The following SLC12A7 variants were observed in gnomAD, a reference collection of about 807,000 sequenced individuals.
The protein encoded by SLC12A7 is K-Cl cotransporter 4.
SLC12A7 carries 100 observed loss-of-function variants against 120.6 expected under a neutral mutation model. That is an observed-to-expected ratio of 0.83 (90% CI 0.71 to 0.98). The LOEUF is 0.98. Among genes scored for constraint, SLC12A7 ranks in the 50% least tolerant of loss-of-function variants. The pLI is 0.00. For missense variants in SLC12A7, 1,373 were observed against 1,548.1 expected (o/e 0.89, Z 1.90); for synonymous variants, 760 against 678.0 (o/e 1.12, Z -1.88).
intron 22 of SLC12A7, chr5:1,056,543 G>T: frequency 1.0e-6 from 1 of 978,174 alleles, no homozygotes; most frequent in Non-Finnish European, 1.2e-6. Flanking sequence ...CAGGGCAACC[G>T]GGCCCGGAAG....
intron 1 of SLC12A7, among the ~76,000 whole-genome samples, chr5:1,099,525 A>C (rs1250443379): frequency 1.3e-5 from 2 of 150,882 alleles, no homozygotes; most frequent in Non-Finnish European, 2.9e-5. Context: ...TCAGCGGGTC[A>C]GAGGATTGAT....
upstream of SLC12A7, among the ~76,000 whole-genome samples, chr5:1,115,121 G>C (rs1044665229): frequency 2.6e-5 from 4 of 152,222 alleles, no homozygotes; most frequent in African/African-American, 9.6e-5. Flanking sequence ...GCTTTGCCCA[G>C]GGGGCCTCTT....
At chr5:1,123,729 A>G in the SLC12A7 span, among the ~76,000 whole-genome samples, 2 of 152,222 alleles carry the variant, frequency 1.3e-5, no homozygotes, top group African/African-American at 4.8e-5. Flanking sequence ...CGGGGCCTCC[A>G]TCAAACAGTG....
intron 7 of SLC12A7, among the ~76,000 whole-genome samples, chr5:1,084,411 C>T (rs1023404483): frequency 6.6e-6 from 1 of 152,224 alleles, no homozygotes; most frequent in African/African-American, 2.4e-5. Flanking sequence ...AGGCCCTCGG[C>T]GGCGTCCTGG....
intron 18 of SLC12A7, among the ~76,000 whole-genome samples, chr5:1,064,923 G>A (rs1736831317): frequency 6.9e-6 from 1 of 145,096 alleles, no homozygotes; most frequent in Admixed American, 6.8e-5. Context: ...GCGAGGAGAT[G>A]GTGAGGGGAC....
the SLC12A7 span, among the ~76,000 whole-genome samples, chr5:1,137,011 ACAG>A: frequency 5.3e-5 from 8 of 150,864 alleles, no homozygotes; most frequent in South Asian, 2.1e-4. Context: ...ACACACACCA[ACAG>A]CAGGACACAC....
the SLC12A7 span, among the ~76,000 whole-genome samples, chr5:1,125,862 T>C: frequency 3.4e-5 from 5 of 148,962 alleles, no homozygotes; most frequent in Non-Finnish European, 4.4e-5. Flanking sequence ...GAGGCGGAAG[T>C]TGCAGGGAGC....
the SLC12A7 span, among the ~76,000 whole-genome samples, chr5:1,117,406 G>A: frequency 6.6e-6 from 1 of 152,152 alleles, no homozygotes; most frequent in Non-Finnish European, 1.5e-5. The surrounding 1 kb of genome is among the most constrained non-coding windows in gnomAD (Gnocchi z 4.5). Flanking sequence ...CTAACTTTGG[G>A]AGGAACTTAG....
chr5:1,087,135 T>C (rs1177079429), intron 5 of SLC12A7, 102 bp from the exon 6 acceptor site: 1 of 1,425,802 alleles, frequency 7.0e-7, no homozygotes, highest in African/African-American at 1.5e-5. Context: ...GGCCTGTCTC[T>C]GCGAAGGCAG....
intron 1 of SLC12A7, among the ~76,000 whole-genome samples, chr5:1,105,529 CAG>C (rs1361030535): frequency 2.0e-5 from 3 of 152,272 alleles, no homozygotes; most frequent in South Asian, 2.1e-4. Context: ...CGGCCACAAA[CAG>C]GGGAAGAGGC....
rs897748617 is a variant in SLC12A7 at position 1,057,624 on chromosome 5, G to C, written c.2873C>G (p.Thr958Ser). 1 of 1,603,114 alleles carries C rather than the reference G, an allele frequency of 6.2e-7. No individual in the cohort carries two copies. The highest frequency in any genetic ancestry group is 8.5e-7 in the Non-Finnish European group (1 of 1,179,592). Residue 958 changes from threonine to serine, a missense_variant, in exon 22 of 24, where the codon ACC becomes AGC. Transcript: ENST00000264930. ...GGCTGCCGCCGCGGTGTGGGACGCG[G>C]TGTTCCTGTCGTGGATCAGCTGGGC... ...REAQLIHDRN[T>S]ASHTAAAART...
Position 1,079,401 on chromosome 5 carries a change from T to A in SLC12A7, c.1393A>T (p.Ile465Phe), listed in dbSNP as rs745481788. The change falls in exon 10 of 24, where the codon ATC becomes TTC. Residue 465 changes from isoleucine to phenylalanine, a missense_variant. Ile to Phe is a conservative substitution (Grantham distance 21, BLOSUM62 0). Transcript: ENST00000264930. ...TILAIVTTSF[I>F]YLSCIVLFGA... ...GCCTGCACCCCTCCAAGGATACAGA[T>A]GAAAGACGTCGTCACTATGGCCAGG... 1 of 1,611,892 alleles carries A rather than the reference T, an allele frequency of 6.2e-7. No individual in the cohort carries two copies. Among genetic ancestry groups the A allele is most frequent in the South Asian group, 1.1e-5 (1 of 91,070 alleles).
chr5:1,052,788 C>T (rs908763012), intron 23 of SLC12A7, among the ~76,000 whole-genome samples: 5 of 152,332 alleles, frequency 3.3e-5, no homozygotes, highest in East Asian at 1.9e-4. Flanking sequence ...ACCTGGGCCA[C>T]GGATTCCGAT....
chr5:1,080,755 G>A (rs1409515377), intron 9 of SLC12A7, among the ~76,000 whole-genome samples: 1 of 152,228 alleles, frequency 6.6e-6, no homozygotes, highest in East Asian at 1.9e-4. Context: ...GGAGGACACA[G>A]AGGGCCGAGG....
chr5:1,064,111 A>G lies in SLC12A7; in HGVS notation c.2579T>C (p.Leu860Pro), dbSNP rs1736649235. 2 of 1,609,438 alleles carry G rather than the reference A, an allele frequency of 1.2e-6. No individual in the cohort carries two copies. Among genetic ancestry groups the G allele is most frequent in the Non-Finnish European group, 1.7e-6 (2 of 1,177,852 alleles). The change falls in exon 19 of 24, where the codon CTG (leucine) becomes CCG (proline). Residue 860 changes from leucine to proline, a missense_variant. Coordinates refer to ENST00000264930, the MANE Select transcript of SLC12A7 (RefSeq NM_006598.3). ...WIVHDGGMLMLLPFLLRQHKV... is the reference protein window; with the variant it reads ...WIVHDGGMLMPLPFLLRQHKV... ...GTGCTGGCGCAGCAGGAAGGGCAGC[A>G]GCATGAGCATGCCGCCGTCGTGCAC...
chr5:1,060,514 C>T, intron 20 of SLC12A7, 63 bp from the exon 21 acceptor site: 1 of 1,312,002 alleles, frequency 7.6e-7, no homozygotes, highest in Non-Finnish European at 1.1e-6. Context: ...GCTCCAACAC[C>T]AGCCCGGTAC....
intron 22 of SLC12A7, chr5:1,056,674 C>T (rs952933479): frequency 2.6e-6 from 2 of 765,496 alleles, no homozygotes; most frequent in Non-Finnish European, 3.2e-6. Context: ...GCATGGCTGC[C>T]CAGGAGGACG....
At chr5:1,082,725 T>C (rs539203309) in intron 8 of SLC12A7, among the ~76,000 whole-genome samples, 66 of 146,490 alleles carry the variant, frequency 4.5e-4, no homozygotes, top group Non-Finnish European at 8.6e-4. Context: ...CTGGAAAGCC[T>C]GGGCTTCCCA....
At chr5:1,155,134 CG>C in the SLC12A7 span, among the ~76,000 whole-genome samples, 1 of 151,526 alleles carries the variant, frequency 6.6e-6, no homozygotes, top group South Asian at 2.1e-4. Context: ...TCGGGACCCC[CG>C]TGTGAGCAGC....
Sources: gnomAD v4.1 joint callset for allele counts (sites outside exome capture counted in the v4.1 genomes callset) on GRCh38, gnomAD v4.1.1 for gene constraint, Gnocchi (gnomAD v3.1) non-coding constraint, MANE v1.5 for transcripts, NCBI Gene and HGNC (gene_info 2026-07-23, HGNC 2026-07-21) for gene names.